Variants in KALRN observed in about 807,000 individuals in gnomAD.
The protein encoded by KALRN is kalirin.
A neutral mutation model predicts 353.7 loss-of-function variants in KALRN; 70 were observed. That is an observed-to-expected ratio of 0.20 (90% CI 0.16 to 0.24). KALRN has a LOEUF of 0.24. Among genes scored for constraint, KALRN ranks in the 10% least tolerant of loss-of-function variants. The probability of loss-of-function intolerance (pLI) is 1.00; values close to 1 mark genes in which losing one functional copy is unlikely to be tolerated. For missense variants in KALRN, 2,791 were observed against 3,756.7 expected (o/e 0.74, Z 6.72); for synonymous variants, 1,391 against 1,434.8 (o/e 0.97, Z 0.69).
chr3:124,419,984 C>T (rs2092703423), intron 14 of KALRN, among the ~76,000 whole-genome samples: 1 of 152,110 alleles, frequency 6.6e-6, no homozygotes, highest in Non-Finnish European at 1.5e-5. Context: ...GGACTCGTGT[C>T]AGTGTGTTTG....
chr3:124,227,663 GTTTTTTTTTTTTTTTTTTTTTTTTTTTTT>G (rs747087120), intron 1 of KALRN, among the ~76,000 whole-genome samples: 7 of 69,228 alleles, frequency 1.0e-4, no homozygotes, highest in African/African-American at 2.1e-4. Flanking sequence ...CAACAGGGCT[GTTTTTTTTTTTTTTTTTTTTTTTTTTTTT>G]TTTTTTTTTT....
intron 34 of KALRN, among the ~76,000 whole-genome samples, chr3:124,577,361 T>G (rs1234304463): frequency 6.6e-6 from 1 of 152,050 alleles, no homozygotes; most frequent in Non-Finnish European, 1.5e-5. Context: ...TGGACTGAGC[T>G]CAGTAATGGT....
intron 23 of KALRN, among the ~76,000 whole-genome samples, chr3:124,460,789 A>C (rs2059778358): frequency 6.6e-6 from 1 of 152,234 alleles, no homozygotes; most frequent in Admixed American, 6.5e-5. Context: ...AAGAACAGAA[A>C]AATATAGAAT....
chr3:124,152,616 CAG>C lies in KALRN; in HGVS notation c.74-75371_74-75370del, dbSNP rs1302840882. 2.7e-5 allele frequency: 15 copies of C among 561,370 alleles called. No homozygotes were observed. In the Admixed American group the frequency reaches 5.6e-4, roughly 21 times the overall value. 34.8% of individuals were successfully genotyped at this position (561,370 alleles called of 1,614,324 possible). A position where few individuals can be genotyped will look rare whatever the true frequency, so the allele number is the denominator to read the frequency against. ...TTCTTTTTTTTTTTTTTTTTTGAGACAGAGCCTCTCTCTGTTGCCCAGGCTGG... is the reference window on the plus strand; with the variant it reads ...TTCTTTTTTTTTTTTTTTTTTGAGACAGCCTCTCTCTGTTGCCCAGGCTGG... On this transcript the variant is annotated intron_variant, in intron 1 of 59. Coordinates refer to ENST00000682506, the MANE Select transcript of KALRN (RefSeq NM_001388419.1).
At chr3:124,655,927 C>T (rs2083968037) in intron 39 of KALRN, among the ~76,000 whole-genome samples, 1 of 152,120 alleles carries the variant, frequency 6.6e-6, no homozygotes, top group Admixed American at 6.5e-5. Flanking sequence ...GAACTCATTC[C>T]ACTTTGTTTT....
chr3:124,568,080 G>A (rs1447802457), intron 34 of KALRN, among the ~76,000 whole-genome samples: 2 of 152,184 alleles, frequency 1.3e-5, no homozygotes, highest in Non-Finnish European at 2.9e-5. Flanking sequence ...TCAAGCTTAG[G>A]AGATACTTAA....
intron 6 of KALRN, among the ~76,000 whole-genome samples, chr3:124,316,205 C>A (rs374189167): frequency 6.6e-6 from 1 of 152,312 alleles, no homozygotes; most frequent in Admixed American, 6.5e-5. Flanking sequence ...TCCATGGTTA[C>A]CCCCTTGATC....
chr3:124,242,783 G>A (rs1250298747), intron 3 of KALRN, among the ~76,000 whole-genome samples: 2 of 152,152 alleles, frequency 1.3e-5, no homozygotes, highest in Non-Finnish European at 2.9e-5. Context: ...AGGACAACAG[G>A]GGTGGTGAGG....
intron 3 of KALRN, among the ~76,000 whole-genome samples, chr3:124,250,115 G>A (rs981349481): frequency 1.3e-5 from 2 of 152,194 alleles, no homozygotes; most frequent in Non-Finnish European, 2.9e-5. Flanking sequence ...GGATGGTTGT[G>A]CATGTGTCTG....
At chr3:124,040,831 T>A (rs1223506428) in intron 1 of KALRN, among the ~76,000 whole-genome samples, 2 of 152,172 alleles carry the variant, frequency 1.3e-5, no homozygotes, top group South Asian at 2.1e-4. Context: ...TAATTATTAA[T>A]TGAATGTGAT....
At chr3:124,101,369 C>T (rs2061848446) in intron 1 of KALRN, among the ~76,000 whole-genome samples, 1 of 152,184 alleles carries the variant, frequency 6.6e-6, no homozygotes, top group Non-Finnish European at 1.5e-5. Flanking sequence ...TGTCCATATT[C>T]TGCCAGAATT....
chr3:124,381,752 G>T (rs1341387309), intron 10 of KALRN, among the ~76,000 whole-genome samples: 3 of 152,222 alleles, frequency 2.0e-5, no homozygotes, highest in South Asian at 2.1e-4. Context: ...AATGCCTATT[G>T]CATACCAGCC....
chr3:124,223,322 G>A (rs538056377), intron 1 of KALRN, among the ~76,000 whole-genome samples: 3 of 152,246 alleles, frequency 2.0e-5, no homozygotes, highest in Non-Finnish European at 4.4e-5. Flanking sequence ...ATGAGCTCCT[G>A]CACCTCTCAA....
At chr3:124,410,410 A>T (rs2092044625) in intron 13 of KALRN, 1 of 379,222 alleles carries the variant, frequency 2.6e-6, no homozygotes, top group African/African-American at 2.1e-5. Flanking sequence ...ATGGAGTAAA[A>T]ATTGTGATTT....
Position 124,094,344 on chromosome 3 carries a change from C to G in KALRN, c.73+60531C>G, listed in dbSNP as rs535344766. On this transcript the variant is annotated intron_variant, in intron 1 of 59. Transcript: ENST00000682506. The stretch of plus-strand genomic sequence containing the variant: ...CTACAGTGAGGCAGTGAGGCAGTAA[C>G]GCTCCCAGGCTCCTGGACTGGCCTC... Among the ~76,000 whole-genome samples the G allele has an allele frequency of 5.3e-4, 80 of 152,256 alleles. 1 individual carries two copies. The South Asian group carries it at 0.016, about 31-fold the overall frequency.
In KALRN at chr3:124,615,851, T is replaced by G. The variant is rs139946863; in HGVS notation, c.5183-16569T>G. Reference sequence around the variant, plus strand: ...ACTTGGAAAGTGTAGGATGAAACACTGAGCTTGGTCAGGAGGCTTAGACTG... The same window carrying G: ...ACTTGGAAAGTGTAGGATGAAACACGGAGCTTGGTCAGGAGGCTTAGACTG... On this transcript the variant is annotated intron_variant, in intron 34 of 59. Transcript: ENST00000682506. Among the ~76,000 whole-genome samples the G allele has an allele frequency of 5.9e-5, 9 of 152,262 alleles. No individual in the cohort carries two copies. The East Asian group carries it at 1.7e-3, about 29-fold the overall frequency.
chr3:124,069,311 TAGGAGGAGGAGGAGGAGGAGG>T (rs1208255204), intron 1 of KALRN, among the ~76,000 whole-genome samples: 18 of 21,426 alleles, frequency 8.4e-4, no homozygotes, highest in African/African-American at 2.7e-3. Flanking sequence ...CATGGAAACC[TAGGAGGAGGAGGAGGAGGAGG>T]AGGAGGAGGA....
At chr3:124,627,445 T>C (rs529729452) in intron 34 of KALRN, among the ~76,000 whole-genome samples, 1 of 152,358 alleles carries the variant, frequency 6.6e-6, no homozygotes, top group East Asian at 1.9e-4. Context: ...AGAGGAATGG[T>C]CATTCAAAAT....
At chr3:124,518,333 AC>A in intron 33 of KALRN, 1 of 1,320,168 alleles carries the variant, frequency 7.6e-7, no homozygotes, top group Non-Finnish European at 1.1e-6. Flanking sequence ...TATAAGGGCT[AC>A]GGGATCTCAT....
Sources: allele counts gnomAD v4.1 joint callset (sites outside exome capture counted in the v4.1 genomes callset), GRCh38; gene constraint gnomAD v4.1.1; transcripts MANE v1.5; gene names NCBI Gene and HGNC (gene_info 2026-07-23, HGNC 2026-07-21).